The following PRICKLE2 variants were observed in gnomAD, a reference collection of about 807,000 sequenced individuals.
The protein encoded by PRICKLE2 is prickle planar cell polarity protein 2.
Under a neutral mutation model 81.4 loss-of-function variants are expected in PRICKLE2, and 21 were observed. That is an observed-to-expected ratio of 0.26 (90% CI 0.18 to 0.37). The LOEUF (loss-of-function observed/expected upper bound fraction) is 0.37. PRICKLE2 is among the 10% of genes least tolerant of loss of function. The pLI is 1.00. For synonymous variants in PRICKLE2, 456 were observed against 421.5 expected, an observed-to-expected ratio of 1.08 and a Z score of -1.00; for missense variants, 940 against 1,109.0, an observed-to-expected ratio of 0.85 and a Z score of 2.16.
chr3:64,240,178 G>T (rs2079243246), intron 2 of PRICKLE2, among the ~76,000 whole-genome samples: 1 of 151,950 alleles, frequency 6.6e-6, no homozygotes. Flanking sequence ...TCCATCCTAG[G>T]ATTGAGTCGA....
At chr3:64,213,184 C>A (rs1236266577) in intron 1 of PRICKLE2, among the ~76,000 whole-genome samples, 2 of 150,984 alleles carry the variant, frequency 1.3e-5, no homozygotes, top group African/African-American at 2.4e-5. Context: ...TCAAGCAATT[C>A]TCCTGCCTCA....
chr3:64,204,179 A>G (rs551499822), intron 1 of PRICKLE2, among the ~76,000 whole-genome samples: 3 of 152,140 alleles, frequency 2.0e-5, no homozygotes, highest in Non-Finnish European at 2.9e-5. Flanking sequence ...AAGCCTTTCA[A>G]TCACAAAGTA....
chr3:64,128,014 A>G (rs1002898628), intron 7 of PRICKLE2, among the ~76,000 whole-genome samples: 4 of 152,082 alleles, frequency 2.6e-5, no homozygotes, highest in Non-Finnish European at 5.9e-5. Flanking sequence ...ATTTCCTCAT[A>G]TTTTATATGA....
chr3:64,128,705 C>G (rs2106981252), intron 7 of PRICKLE2, among the ~76,000 whole-genome samples: 1 of 132,658 alleles, frequency 7.5e-6, no homozygotes, highest in Admixed American at 8.3e-5. Context: ...AAGATCACAC[C>G]ATTGTACTCC....
At chr3:64,226,213 G>T (rs1237703963), upstream of PRICKLE2, among the ~76,000 whole-genome samples, 1 of 152,180 alleles carries the variant, frequency 6.6e-6, no homozygotes, top group Non-Finnish European at 1.5e-5. Flanking sequence ...AGTCACACCA[G>T]GATTTCAGCA....
chr3:64,162,819 G>C (rs769101173), intron 3 of PRICKLE2, among the ~76,000 whole-genome samples, 197 bp downstream of exon 3: 1 of 152,190 alleles, frequency 6.6e-6, no homozygotes, highest in Non-Finnish European at 1.5e-5. Context: ...TTTATAATGA[G>C]ATTCTGCTTT....
intron 6 of PRICKLE2, among the ~76,000 whole-genome samples, chr3:64,148,400 C>T (rs555130646): frequency 1.5e-4 from 23 of 152,316 alleles, no homozygotes; most frequent in South Asian, 1.0e-3. Context: ...TTCTCTCCCC[C>T]GCTAAAAGTG....
chr3:64,137,171 T>C (rs2077291224), intron 7 of PRICKLE2, among the ~76,000 whole-genome samples: 1 of 152,200 alleles, frequency 6.6e-6, no homozygotes. Context: ...GTGTTTTCCT[T>C]ACTCTCCATA....
intron 2 of PRICKLE2, among the ~76,000 whole-genome samples, chr3:64,191,986 G>A (rs910813889): frequency 6.6e-6 from 1 of 152,202 alleles, no homozygotes; most frequent in African/African-American, 2.4e-5. Flanking sequence ...CCTCAGGTTT[G>A]CTAAATGCAG....
chr3:64,157,102 G>A (rs1032372948), intron 5 of PRICKLE2, 60 bp downstream of exon 5: 3 of 1,469,380 alleles, frequency 2.0e-6, no homozygotes, highest in Non-Finnish European at 1.9e-6. Flanking sequence ...AAGACCATGT[G>A]TTGGCTATGG....
At chr3:64,263,803 G>A (rs2107192085) in intron 2 of PRICKLE2, among the ~76,000 whole-genome samples, 1 of 152,228 alleles carries the variant, frequency 6.6e-6, no homozygotes, top group African/African-American at 2.4e-5. Context: ...CCTTATCTTG[G>A]GTCATCTTGG....
intron 1 of PRICKLE2, among the ~76,000 whole-genome samples, chr3:64,214,555 G>A (rs1044618223): frequency 6.6e-6 from 1 of 152,140 alleles, no homozygotes; most frequent in African/African-American, 2.4e-5. Context: ...AAAGGTTTTT[G>A]TGGTTTTGTT....
chr3:64,222,288 G>A (rs1053948166), intron 1 of PRICKLE2, among the ~76,000 whole-genome samples: 7 of 152,138 alleles, frequency 4.6e-5, no homozygotes, highest in African/African-American at 7.2e-5. Context: ...ATTATTCTCC[G>A]TGCAAAACAC....
At chr3:64,202,136 T>G (rs1357332183) in intron 1 of PRICKLE2, among the ~76,000 whole-genome samples, 1 of 152,238 alleles carries the variant, frequency 6.6e-6, no homozygotes, top group Admixed American at 6.5e-5. Flanking sequence ...ATGACTGCAG[T>G]TCTGCGGTAA....
chr3:64,164,778 G>A (rs1366598393), intron 2 of PRICKLE2, among the ~76,000 whole-genome samples: 2 of 152,172 alleles, frequency 1.3e-5, no homozygotes, highest in African/African-American at 4.8e-5. Flanking sequence ...GCCGGGTTCT[G>A]AAGAGAGCCC....
At chr3:64,163,681 G>A (rs1256802082) in intron 2 of PRICKLE2, 1 of 168,896 alleles carries the variant, frequency 5.9e-6, no homozygotes, top group Non-Finnish European at 1.3e-5. Flanking sequence ...CTAAATCTGG[G>A]ATGCAGAGCA....
intron 7 of PRICKLE2, among the ~76,000 whole-genome samples, chr3:64,106,232 G>A (rs1194955686): frequency 6.6e-6 from 1 of 152,164 alleles, no homozygotes; most frequent in African/African-American, 2.4e-5. Flanking sequence ...TATTATTTAT[G>A]TGCTGGGGCA....
chr3:64,229,182 C>A (rs1050809398), upstream of PRICKLE2, among the ~76,000 whole-genome samples: 2 of 152,086 alleles, frequency 1.3e-5, no homozygotes, highest in Admixed American at 1.3e-4. Context: ...CACAAGACAG[C>A]AAAACAGCAG....
At chr3:64,240,295 G>T (rs571287154) in intron 2 of PRICKLE2, among the ~76,000 whole-genome samples, 153 of 152,214 alleles carry the variant, frequency 1.0e-3, no homozygotes, top group African/African-American at 2.9e-3. Context: ...AGGTACTCCA[G>T]GTCTAATCAA....
Sources: allele counts gnomAD v4.1 joint callset (sites outside exome capture counted in the v4.1 genomes callset), GRCh38; gene constraint gnomAD v4.1.1; transcripts MANE v1.5; gene names NCBI Gene and HGNC (gene_info 2026-07-23, HGNC 2026-07-21).